Variants in SEPTIN9 observed in about 807,000 individuals in gnomAD.
SEPTIN9 encodes septin 9.
In SEPTIN9, 13 loss-of-function variants were observed where a neutral mutation model predicts 56.6. The ratio of observed to expected loss-of-function variants is 0.23; its 90% CI spans 0.15 to 0.37. The LOEUF is 0.37. SEPTIN9 is among the 10% of genes least tolerant of loss of function. The pLI, the probability that SEPTIN9 is intolerant of heterozygous loss-of-function variation, is 1.00. For missense variants in SEPTIN9, 650 were observed against 823.1 expected, an observed-to-expected ratio of 0.79 and a Z score of 2.57; for synonymous variants, 332 against 334.1, an observed-to-expected ratio of 0.99 and a Z score of 0.07.
In SEPTIN9 at chr17:77,335,996, GTATATGTA is replaced by G. The variant is rs2033537753; in HGVS notation, c.76+28800_76+28807del. Among the ~76,000 whole-genome samples the G allele has an allele frequency of 4.5e-5, 4 of 88,238 alleles. 1 individual carries two copies. In the South Asian group the frequency reaches 1.8e-3, roughly 41 times the overall value. 57.9% of individuals were successfully genotyped at this position (88,238 alleles called of 152,430 possible). On this transcript the variant is annotated intron_variant, in intron 2 of 11. Transcript: ENST00000427177. ...TGACTGTATATGTGGTCCTATATTA[GTATATGTA>G]CTGTATACATGTAGGTCCTATGTTG... is the stretch of plus-strand genomic sequence containing the variant.
intron 2 of SEPTIN9, among the ~76,000 whole-genome samples, chr17:77,379,932 C>G (rs1250016407): frequency 6.6e-6 from 1 of 152,078 alleles, no homozygotes; most frequent in African/African-American, 2.4e-5. Flanking sequence ...TGGTTTTTCC[C>G]AAATTTGGAG....
chr17:77,488,661 G>T (rs1450623738), intron 6 of SEPTIN9, 66 bp from the exon 7 acceptor site: 47 of 1,604,308 alleles, frequency 2.9e-5, no homozygotes, highest in Non-Finnish European at 3.8e-5. Context: ...TGAGTCCTGG[G>T]AATGCACGAC....
At chr17:77,479,442 T>TGCGG (rs890757317) in intron 3 of SEPTIN9, among the ~76,000 whole-genome samples, 3 of 152,208 alleles carry the variant, frequency 2.0e-5, no homozygotes, top group Non-Finnish European at 4.4e-5. Flanking sequence ...CGTGCCTGCC[T>TGCGG]GCGGGCCAGC....
chr17:77,289,966 A>T (rs973747205), intron 1 of SEPTIN9, among the ~76,000 whole-genome samples: 1 of 152,330 alleles, frequency 6.6e-6, no homozygotes, highest in Non-Finnish European at 1.5e-5. Flanking sequence ...TCAGAGTTTT[A>T]TACTCCCCAT....
At chr17:77,293,311 G>A (rs1391268439) in intron 1 of SEPTIN9, among the ~76,000 whole-genome samples, 1 of 152,090 alleles carries the variant, frequency 6.6e-6, no homozygotes, top group African/African-American at 2.4e-5. Flanking sequence ...GTGCCATCAC[G>A]CCTTGCTAAT....
chr17:77,376,348 G>T, intron 2 of SEPTIN9: 1 of 985,708 alleles, frequency 1.0e-6, no homozygotes, highest in Non-Finnish European at 1.2e-6. Flanking sequence ...CGCCGTGGGA[G>T]CACAGGTCTC....
At chr17:77,411,494 C>T (rs1303915709) in intron 3 of SEPTIN9, among the ~76,000 whole-genome samples, 2 of 151,814 alleles carry the variant, frequency 1.3e-5, no homozygotes, top group African/African-American at 2.4e-5. Context: ...TTTCGCCTTC[C>T]GCTTTCAAGC....
chr17:77,377,055 G>A (rs1409412725), intron 2 of SEPTIN9: 1 of 152,282 alleles, frequency 6.6e-6, no homozygotes, highest in Non-Finnish European at 1.5e-5. Flanking sequence ...GTCTTCCATG[G>A]ACTCAAACTT....
chr17:77,459,987 T>TA, intron 3 of SEPTIN9, among the ~76,000 whole-genome samples: 1 of 152,222 alleles, frequency 6.6e-6, no homozygotes, highest in Non-Finnish European at 1.5e-5. Flanking sequence ...TCCCAGACTC[T>TA]ATAGCAATCA....
At chr17:77,424,190 A>G (rs1247125567) in intron 3 of SEPTIN9, among the ~76,000 whole-genome samples, 1 of 117,250 alleles carries the variant, frequency 8.5e-6, no homozygotes, top group Non-Finnish European at 1.7e-5. Flanking sequence ...CGCCGTAGAA[A>G]ACGGTTCCTG....
At chr17:77,418,865 T>C (rs1449684882) in intron 3 of SEPTIN9, among the ~76,000 whole-genome samples, 1 of 152,112 alleles carries the variant, frequency 6.6e-6, no homozygotes, top group Non-Finnish European at 1.5e-5. Context: ...GGGGTGCTTC[T>C]GGTCTGAGCT....
chr17:77,340,613 C>T lies in SEPTIN9; in HGVS notation c.76+33416C>T, dbSNP rs990393205. 7.2e-5 allele frequency among the ~76,000 whole-genome samples: 11 copies of T among 152,290 alleles called. No individual in the cohort carries two copies. The South Asian group carries it at 2.3e-3, about 32-fold the overall frequency. ...GGCTTTAACTTACGGTCAACAGCTG[C>T]GTTAGCCTCTCATGAGAGTCAGCCT... On this transcript the variant is annotated intron_variant, in intron 2 of 11. Transcript: ENST00000427177.
chr17:77,488,799 C>G lies in SEPTIN9; in HGVS notation c.1197C>G (p.Arg399=). Residue 399 remains arginine, a synonymous_variant, in exon 7 of 12, where the codon CGC becomes CGG. Coordinates refer to ENST00000427177, the MANE Select transcript of SEPTIN9 (RefSeq NM_001113491.2). ...KYLQEEVNIN[R]KKRIPDTRVH... is the part of the protein sequence containing the mutation. The stretch of plus-strand genomic sequence containing the variant: ...TGCAGGAGGAGGTCAACATCAACCG[C>G]AAGAAGCGCATCCCGGACACCCGCG... The G allele has an allele frequency of 1.9e-6, 3 of 1,613,890 alleles. No individual in the cohort carries two copies. Among genetic ancestry groups the G allele is most frequent in the Non-Finnish European group, 2.5e-6 (3 of 1,179,924 alleles).
rs961290194 is a variant in SEPTIN9 at position 77,451,252 on chromosome 17, A to C, written c.722-30892A>C. 32 of 438,862 alleles carry C rather than the reference A, an allele frequency of 7.3e-5. No individual in the cohort carries two copies. The highest frequency in any genetic ancestry group is 9.4e-5 in the Non-Finnish European group (31 of 330,846). The allele number at this position is 438,862 out of a possible 1,614,324, so 27.2% of individuals were successfully genotyped here. ...TCCTTGGCGTCCCTCCCGTGCCTTC[A>C]GGTTGCTTCTGCGCCGGGCCTGCCG... On this transcript the variant is annotated intron_variant, in intron 3 of 11. Transcript: ENST00000427177. This position sits in a 1 kb window ranked among gnomAD's most constrained non-coding sequence, Gnocchi z 4.2.
chr17:77,359,087 C>G (rs969745663), intron 2 of SEPTIN9, among the ~76,000 whole-genome samples: 1 of 152,132 alleles, frequency 6.6e-6, no homozygotes, highest in Admixed American at 6.6e-5. Context: ...GGCAAGTGTC[C>G]CTCTTTATTT....
intron 3 of SEPTIN9, among the ~76,000 whole-genome samples, chr17:77,431,109 G>T (rs1022726134): frequency 6.6e-6 from 1 of 152,224 alleles, no homozygotes; most frequent in East Asian, 1.9e-4. Context: ...GGGAGGCTGC[G>T]GTGGGAGAGT....
At chr17:77,383,708 T>A (rs996603511) in intron 2 of SEPTIN9, among the ~76,000 whole-genome samples, 13 of 152,020 alleles carry the variant, frequency 8.6e-5, no homozygotes, top group Non-Finnish European at 1.9e-4. Context: ...TGGGAGAGGG[T>A]GCACGGAGGG....
chr17:77,322,148 C>T (rs2032961606), intron 2 of SEPTIN9, among the ~76,000 whole-genome samples: 1 of 152,218 alleles, frequency 6.6e-6, no homozygotes, highest in Non-Finnish European at 1.5e-5. Context: ...GATGGGTGAC[C>T]AGCAGGGGAT....
intron 3 of SEPTIN9, among the ~76,000 whole-genome samples, chr17:77,459,807 C>T (rs1010345370): frequency 3.9e-5 from 6 of 152,050 alleles, no homozygotes; most frequent in African/African-American, 7.2e-5. Context: ...TCCTGAGTAG[C>T]TGGGATTACA....
Sources: allele counts gnomAD v4.1 joint callset (sites outside exome capture counted in the v4.1 genomes callset), GRCh38; gene constraint gnomAD v4.1.1; non-coding constraint Gnocchi (gnomAD v3.1); transcripts MANE v1.5; gene names NCBI Gene and HGNC (gene_info 2026-07-23, HGNC 2026-07-21).